OR1F1: variants seen among roughly 807,000 people sequenced by gnomAD.
The protein encoded by OR1F1 is olfactory receptor 1F1.
For synonymous variants in OR1F1, 184 were observed against 156.7 expected (o/e 1.17, Z -1.30); for missense variants, 493 against 376.3 (o/e 1.31, Z -2.57).
At chr16:3,192,006 G>C in the OR1F1 span, among the ~76,000 whole-genome samples, 45 of 152,242 alleles carry the variant, frequency 3.0e-4, no homozygotes, top group African/African-American at 1.1e-3. Flanking sequence ...TGGTCTAGGG[G>C]TATGATTCTC....
chr16:3,189,580 C>T, the OR1F1 span, among the ~76,000 whole-genome samples: 1 of 152,176 alleles, frequency 6.6e-6, no homozygotes, highest in Non-Finnish European at 1.5e-5. Flanking sequence ...CCGCCCCAGC[C>T]GCCCCCAGGA....
upstream of OR1F1, among the ~76,000 whole-genome samples, chr16:3,203,654 C>T (rs1267707128): frequency 6.6e-6 from 1 of 152,216 alleles, no homozygotes; most frequent in Non-Finnish European, 1.5e-5. Flanking sequence ...ATCCCAGCTA[C>T]TTGGGAGGCT....
chr16:3,196,850 A>G, the OR1F1 span, among the ~76,000 whole-genome samples: 13 of 150,924 alleles, frequency 8.6e-5, no homozygotes, highest in East Asian at 2.5e-3. Context: ...CGCCACCACC[A>G]TGCCCAGCTA....
chr16:3,203,525 G>C (rs530189647), upstream of OR1F1, among the ~76,000 whole-genome samples: 20 of 152,332 alleles, frequency 1.3e-4, no homozygotes, highest in Non-Finnish European at 2.8e-4. Context: ...CAGCACCTTG[G>C]GAGGCCAAGG....
upstream of OR1F1, among the ~76,000 whole-genome samples, chr16:3,199,696 C>T (rs73496428): frequency 0.079 from 11,941 of 152,108 alleles, 1,563 homozygotes; most frequent in African/African-American, 0.27. Context: ...CATAGAGTAA[C>T]TTCTTGCAAA....
the OR1F1 span, among the ~76,000 whole-genome samples, chr16:3,197,175 A>ATT: frequency 7.2e-4 from 98 of 136,170 alleles, 1 homozygote; most frequent in East Asian, 2.4e-3. Context: ...CACACCTGGC[A>ATT]TTTTTTTTTT....
chr16:3,203,241 G>A (rs1267760905), upstream of OR1F1, among the ~76,000 whole-genome samples: 1 of 152,206 alleles, frequency 6.6e-6, no homozygotes, highest in Non-Finnish European at 1.5e-5. Context: ...TATGACCCTA[G>A]TGGCCATGGA....
At chr16:3,191,432 T>C in the OR1F1 span, 6 of 152,152 alleles carry the variant, frequency 3.9e-5, no homozygotes, top group East Asian at 1.9e-4. Flanking sequence ...GCTGATTCAT[T>C]ACGTCACTTA....
upstream of OR1F1, among the ~76,000 whole-genome samples, chr16:3,200,765 G>A (rs1240613371): frequency 6.6e-6 from 1 of 152,192 alleles, no homozygotes; most frequent in Non-Finnish European, 1.5e-5. Flanking sequence ...GAGGCTTACT[G>A]TGTGGACTGT....
At chr16:3,191,830 C>G in the OR1F1 span, among the ~76,000 whole-genome samples, 20 of 152,230 alleles carry the variant, frequency 1.3e-4, no homozygotes, top group African/African-American at 4.1e-4. Flanking sequence ...GTGCAGGGGC[C>G]TCTCCCCACT....
At chr16:3,189,983 C>A in the OR1F1 span, among the ~76,000 whole-genome samples, 21 of 151,888 alleles carry the variant, frequency 1.4e-4, no homozygotes, top group Non-Finnish European at 2.5e-4. Flanking sequence ...TTACTTCTGG[C>A]AGTGCAAACT....
downstream of OR1F1, among the ~76,000 whole-genome samples, chr16:3,205,803 C>T (rs1038906987): frequency 3.3e-5 from 5 of 152,138 alleles, no homozygotes; most frequent in Admixed American, 2.6e-4. Context: ...CGTAAGCTGA[C>T]GATGTACGTC....
chr16:3,197,453 G>T, the OR1F1 span, among the ~76,000 whole-genome samples: 1 of 152,000 alleles, frequency 6.6e-6, no homozygotes, highest in African/African-American at 2.4e-5. Context: ...TCAAACTCTG[G>T]CATGCTTTCC....
At chr16:3,204,683 C>T (rs768764615) in exon 1 of OR1F1, 2 of 1,614,148 alleles carry the variant, frequency 1.2e-6, no homozygotes, top group Non-Finnish European at 1.7e-6. Flanking sequence ...CTGCTGGTTG[C>T]TGGATTATGG....
upstream of OR1F1, among the ~76,000 whole-genome samples, chr16:3,200,464 G>A (rs890595019): frequency 5.3e-5 from 8 of 152,076 alleles, no homozygotes; most frequent in Admixed American, 3.9e-4. Context: ...AAAATTAGCC[G>A]GACATGGCAG....
downstream of OR1F1, among the ~76,000 whole-genome samples, chr16:3,205,788 A>G (rs1329203452): frequency 6.6e-6 from 1 of 152,172 alleles, no homozygotes; most frequent in Non-Finnish European, 1.5e-5. Flanking sequence ...TAATCCTGTT[A>G]TCTTCGTAAG....
At chr16:3,195,435 C>T in the OR1F1 span, among the ~76,000 whole-genome samples, 1 of 152,128 alleles carries the variant, frequency 6.6e-6, no homozygotes, top group East Asian at 1.9e-4. Flanking sequence ...GGCGCGGTGG[C>T]TCAGAGAGGC....
the OR1F1 span, chr16:3,191,362 G>C: frequency 6.6e-6 from 1 of 152,250 alleles, no homozygotes; most frequent in Non-Finnish European, 1.5e-5. Flanking sequence ...GCACCAGCGG[G>C]GATGTCGGGG....
upstream of OR1F1, among the ~76,000 whole-genome samples, chr16:3,202,064 C>T (rs1180790592): frequency 6.6e-6 from 1 of 152,190 alleles, no homozygotes; most frequent in African/African-American, 2.4e-5. Flanking sequence ...CTGGCTCGCC[C>T]TTGTATTCTT....
Sources: gnomAD v4.1 joint callset for allele counts (sites outside exome capture counted in the v4.1 genomes callset) on GRCh38, gnomAD v4.1.1 for gene constraint, MANE v1.5 for transcripts, NCBI Gene and HGNC (gene_info 2026-07-23, HGNC 2026-07-21) for gene names.